RYR2: variants seen among roughly 807,000 people sequenced by gnomAD.
RYR2 encodes cardiac muscle ryanodine receptor-calcium release channel.
In RYR2, 227 loss-of-function variants were observed where a neutral mutation model predicts 601.1. The ratio of observed to expected loss-of-function variants is 0.38; its 90% CI spans 0.34 to 0.42. The LOEUF (loss-of-function observed/expected upper bound fraction) is 0.42, where lower values mean the gene tolerates loss of function less well. RYR2 is among the 10% of genes least tolerant of loss of function. The pLI is 1.00. For missense variants in RYR2, 4,646 were observed against 6,156.5 expected (o/e 0.75, Z 8.21); for synonymous variants, 2,223 against 2,175.1 (o/e 1.02, Z -0.61).
At chr1:237,769,848 G>GT (rs1028229289) in intron 84 of RYR2, among the ~76,000 whole-genome samples, 5 of 150,218 alleles carry the variant, frequency 3.3e-5, no homozygotes, top group African/African-American at 4.9e-5. Flanking sequence ...ATGTGGAAGT[G>GT]TTTTTTTTCC....
chr1:237,197,633 G>A (rs1451592393), intron 1 of RYR2, among the ~76,000 whole-genome samples: 2 of 152,206 alleles, frequency 1.3e-5, no homozygotes, highest in African/African-American at 4.8e-5. Context: ...GAGATCCGAA[G>A]TGATGTCATC....
At chr1:237,528,822 T>C (rs1667837997) in intron 24 of RYR2, among the ~76,000 whole-genome samples, 1 of 152,194 alleles carries the variant, frequency 6.6e-6, no homozygotes, top group African/African-American at 2.4e-5. Context: ...GCAGTGATAA[T>C]AACTGTCTTA....
chr1:237,581,609 A>G (rs1426253290), intron 29 of RYR2, among the ~76,000 whole-genome samples: 2 of 152,136 alleles, frequency 1.3e-5, no homozygotes, highest in African/African-American at 4.8e-5. Context: ...CAGTTGAAAT[A>G]TTGCAGCAGT....
intron 34 of RYR2, 136 bp from the exon 35 acceptor site, chr1:237,601,889 G>A (rs1276174801): frequency 4.7e-6 from 3 of 640,492 alleles, no homozygotes; most frequent in East Asian, 5.6e-5. Context: ...TCTTGAAGGA[G>A]CACATCAATC....
At chr1:237,223,349 G>T (rs537446582) in intron 1 of RYR2, among the ~76,000 whole-genome samples, 2 of 152,314 alleles carry the variant, frequency 1.3e-5, no homozygotes, top group East Asian at 3.9e-4. Flanking sequence ...TTCCATTCAT[G>T]AGGGAAGAAC....
At chr1:237,537,517 G>A (rs1434887735) in intron 25 of RYR2, among the ~76,000 whole-genome samples, 1 of 152,126 alleles carries the variant, frequency 6.6e-6, no homozygotes, top group Non-Finnish European at 1.5e-5. Flanking sequence ...ATTTCACCAT[G>A]TTGGTCAGGC....
At chr1:237,656,075 T>C (rs1683213880) in intron 53 of RYR2, 91 bp downstream of exon 53, 2 of 1,162,496 alleles carry the variant, frequency 1.7e-6, no homozygotes, top group East Asian at 5.3e-5. Flanking sequence ...CTTTCTCTAA[T>C]ACATGCCCCC....
chr1:237,548,589 A>G lies in RYR2; in HGVS notation c.3065A>G (p.Gln1022Arg), dbSNP rs761384379. 3 of 1,613,784 alleles carry G rather than the reference A, an allele frequency of 1.9e-6. No individual in the cohort carries two copies. Among genetic ancestry groups the G allele is most frequent in the Non-Finnish European group, 2.5e-6 (3 of 1,179,800 alleles). Residue 1022 changes from glutamine (Q) to arginine (R), a missense_variant and splice_region_variant, in exon 26 of 105, where the codon CAG becomes CGG. Coordinates refer to ENST00000366574, the MANE Select transcript of RYR2 (RefSeq NM_001035.3). ...IRQGWTYGIQQDVKNRRNPRL... is the reference protein window; with the variant it reads ...IRQGWTYGIQRDVKNRRNPRL... Reference sequence around the variant, plus strand: ...CAGGGCTGGACTTATGGCATCCAACAGGTACATGGGAATTAGCATTTGGTC... The same window carrying G: ...CAGGGCTGGACTTATGGCATCCAACGGGTACATGGGAATTAGCATTTGGTC...
intron 1 of RYR2, among the ~76,000 whole-genome samples, chr1:237,056,534 G>A (rs372534624): frequency 5.9e-3 from 272 of 46,184 alleles, no homozygotes; most frequent in South Asian, 9.4e-3. Context: ...GGAGCACTGC[G>A]TCTGTGAGGA....
intron 6 of RYR2, 129 bp from the exon 7 acceptor site, chr1:237,374,588 G>T (rs1700880485): frequency 1.4e-6 from 1 of 720,680 alleles, no homozygotes; most frequent in Non-Finnish European, 2.5e-6. Context: ...AGCCCAGGAG[G>T]TTGAGGCTGC....
intron 1 of RYR2, among the ~76,000 whole-genome samples, chr1:237,069,510 A>T (rs997168511): frequency 6.6e-6 from 1 of 152,000 alleles, no homozygotes; most frequent in African/African-American, 2.4e-5. Context: ...AGATGACTGA[A>T]AGTAGTTCAT....
Position 237,832,992 on chromosome 1 carries a change from GCC to G in RYR2, c.*346_*347del. 2.2e-5 allele frequency: 4 copies of G among 178,256 alleles called. No homozygotes were observed. Among genetic ancestry groups the G allele is most frequent in the South Asian group, 2.9e-4 (2 of 6,846 alleles). 11.0% of individuals were successfully genotyped at this position (178,256 alleles called of 1,614,324 possible). ...GAGACCTTCACAGAGACACGTGGCA[GCC>G]ACACTCACCCAGCCTCTTTATTTCA... On this transcript the variant is annotated 3_prime_UTR_variant, in exon 105 of 105. Coordinates refer to ENST00000366574, the MANE Select transcript of RYR2 (RefSeq NM_001035.3).
chr1:237,710,854 TATAA>T (rs1435760716), intron 70 of RYR2, among the ~76,000 whole-genome samples: 1 of 152,104 alleles, frequency 6.6e-6, no homozygotes, highest in African/African-American at 2.4e-5. Context: ...TGAATGAATG[TATAA>T]ATAAATGAAT....
intron 1 of RYR2, among the ~76,000 whole-genome samples, chr1:237,093,622 G>A (rs1426426341): frequency 2.6e-5 from 4 of 152,192 alleles, no homozygotes; most frequent in Non-Finnish European, 5.9e-5. Flanking sequence ...GAAGTGATCA[G>A]CCCTGGATGG....
intron 47 of RYR2, among the ~76,000 whole-genome samples, chr1:237,642,479 A>G (rs1284776500): frequency 6.6e-6 from 1 of 152,232 alleles, no homozygotes; most frequent in African/African-American, 2.4e-5. Context: ...CATCTCAGAA[A>G]AAAACATCAG....
intron 25 of RYR2, among the ~76,000 whole-genome samples, chr1:237,536,521 T>C (rs538665520): frequency 6.6e-6 from 1 of 151,938 alleles, no homozygotes; most frequent in Non-Finnish European, 1.5e-5. Flanking sequence ...GAGACCATCC[T>C]GGCTAACATG....
At chr1:237,830,793 T>C (rs1465079532) in intron 103 of RYR2, among the ~76,000 whole-genome samples, 163 bp downstream of exon 103, 3 of 151,998 alleles carry the variant, frequency 2.0e-5, no homozygotes, top group Non-Finnish European at 4.4e-5. Flanking sequence ...TCCTCTGGAG[T>C]AGGTTGACTT....
intron 1 of RYR2, among the ~76,000 whole-genome samples, chr1:237,103,757 C>A (rs1668374878): frequency 6.6e-6 from 1 of 152,106 alleles, no homozygotes; most frequent in Non-Finnish European, 1.5e-5. Context: ...TTAGTAGAGA[C>A]AGGGTTTTAC....
At chr1:237,578,757 G>A (rs1007693732) in intron 29 of RYR2, among the ~76,000 whole-genome samples, 7 of 89,536 alleles carry the variant, frequency 7.8e-5, no homozygotes, top group Admixed American at 2.1e-4. Flanking sequence ...AGTGTCTCTC[G>A]CCCATTCTGC....
Sources: gnomAD v4.1 joint callset for allele counts (sites outside exome capture counted in the v4.1 genomes callset) on GRCh38, gnomAD v4.1.1 for gene constraint, MANE v1.5 for transcripts, NCBI Gene and HGNC (gene_info 2026-07-23, HGNC 2026-07-21) for gene names.